The following EXOC6B variants were observed in gnomAD, a reference collection of about 807,000 sequenced individuals.
EXOC6B encodes exocyst complex component 6B.
A neutral mutation model predicts 113.5 loss-of-function variants in EXOC6B; 54 were observed. That is an observed-to-expected ratio of 0.48 (90% CI 0.38 to 0.60). The LOEUF is 0.60. Ranked by LOEUF, EXOC6B falls within the 20% of genes least tolerant of loss-of-function variation. The pLI is 0.00. For synonymous variants in EXOC6B, 357 were observed against 339.0 expected (o/e 1.05, Z -0.58); for missense variants, 797 against 977.5 (o/e 0.82, Z 2.46).
chr2:72,649,838 G>A (rs1674027021), intron 6 of EXOC6B, among the ~76,000 whole-genome samples: 1 of 152,004 alleles, frequency 6.6e-6, no homozygotes, highest in South Asian at 2.1e-4. Context: ...TCAACAAATG[G>A]TGCTGCTGGA....
At chr2:72,618,413 T>C (rs573305755) in intron 6 of EXOC6B, among the ~76,000 whole-genome samples, 11 of 152,096 alleles carry the variant, frequency 7.2e-5, no homozygotes, top group East Asian at 1.9e-4. Context: ...CATATTATTG[T>C]GTTCTGAGAA....
intron 1 of EXOC6B, 50 bp from the exon 2 acceptor site, chr2:72,741,519 G>C: frequency 6.6e-7 from 1 of 1,515,042 alleles, no homozygotes; most frequent in Admixed American, 2.2e-5. Flanking sequence ...TTCTAAGAAG[G>C]AAAAACAAAA....
At chr2:72,266,771 G>GT (rs1448672267) in intron 20 of EXOC6B, among the ~76,000 whole-genome samples, 2 of 152,084 alleles carry the variant, frequency 1.3e-5, no homozygotes, top group East Asian at 1.9e-4. Flanking sequence ...CTTTAAAGTA[G>GT]TTTTTTTCCA....
chr2:72,651,697 G>A (rs954996769), intron 6 of EXOC6B, among the ~76,000 whole-genome samples: 3 of 152,136 alleles, frequency 2.0e-5, no homozygotes, highest in Non-Finnish European at 4.4e-5. Context: ...CCAGGTTCAT[G>A]CCATTCTCCT....
chr2:72,475,770 C>T (rs1698702192), intron 17 of EXOC6B, among the ~76,000 whole-genome samples: 1 of 152,146 alleles, frequency 6.6e-6, no homozygotes, highest in South Asian at 2.1e-4. Flanking sequence ...GTTAGGTCAG[C>T]AGGTGGAAAA....
chr2:72,537,648 A>G (rs942749958), intron 8 of EXOC6B, among the ~76,000 whole-genome samples: 1 of 152,034 alleles, frequency 6.6e-6, no homozygotes, highest in Non-Finnish European at 1.5e-5. Context: ...ATACATATAT[A>G]TGGAGATTTT....
intron 19 of EXOC6B, among the ~76,000 whole-genome samples, chr2:72,346,062 T>C (rs1180175941): frequency 6.6e-6 from 1 of 152,092 alleles, no homozygotes; most frequent in Non-Finnish European, 1.5e-5. Flanking sequence ...CTCTAACATA[T>C]TCTCAAAGGT....
At chr2:72,456,900 G>C (rs1253569354) in intron 18 of EXOC6B, among the ~76,000 whole-genome samples, 1 of 151,936 alleles carries the variant, frequency 6.6e-6, no homozygotes, top group Non-Finnish European at 1.5e-5. Flanking sequence ...AGGAGAACTG[G>C]TAAGGCCTCA....
At chr2:72,567,633 G>C (rs540127213) in intron 7 of EXOC6B, among the ~76,000 whole-genome samples, 2 of 152,162 alleles carry the variant, frequency 1.3e-5, no homozygotes, top group South Asian at 2.1e-4. Flanking sequence ...AGAACTCTCT[G>C]AAGAAACGGC....
At chr2:72,281,975 C>A (rs1008941249) in intron 20 of EXOC6B, among the ~76,000 whole-genome samples, 1 of 152,060 alleles carries the variant, frequency 6.6e-6, no homozygotes, top group Non-Finnish European at 1.5e-5. Flanking sequence ...AACCAGAAGA[C>A]AATGGAACTA....
intron 18 of EXOC6B, among the ~76,000 whole-genome samples, chr2:72,443,761 C>A (rs968620589): frequency 6.6e-6 from 1 of 152,126 alleles, no homozygotes; most frequent in Non-Finnish European, 1.5e-5. Flanking sequence ...TTCATTACCA[C>A]GAGAACAGTG....
At chr2:72,414,651 A>G (rs1344284467) in intron 18 of EXOC6B, among the ~76,000 whole-genome samples, 1 of 152,144 alleles carries the variant, frequency 6.6e-6, no homozygotes. Context: ...GACCTTCACT[A>G]GCTTTGCTTA....
chr2:72,254,539 C>T (rs1573099218), intron 20 of EXOC6B, among the ~76,000 whole-genome samples: 1 of 152,144 alleles, frequency 6.6e-6, no homozygotes, highest in Non-Finnish European at 1.5e-5. Flanking sequence ...GTTACAATAG[C>T]CATAGGAAAC....
chr2:72,566,996 C>T (rs978222396), intron 7 of EXOC6B, among the ~76,000 whole-genome samples: 3 of 151,946 alleles, frequency 2.0e-5, no homozygotes, highest in African/African-American at 7.3e-5. Flanking sequence ...ACTAACAACA[C>T]TCATTACTTA....
intron 1 of EXOC6B, among the ~76,000 whole-genome samples, chr2:72,782,379 T>C (rs976394216): frequency 6.6e-6 from 1 of 152,162 alleles, no homozygotes; most frequent in Non-Finnish European, 1.5e-5. Flanking sequence ...CTTTTCTTTT[T>C]TATTTTTTAA....
chr2:72,297,975 G>A (rs903479206), intron 20 of EXOC6B, among the ~76,000 whole-genome samples: 3 of 152,190 alleles, frequency 2.0e-5, no homozygotes, highest in Non-Finnish European at 4.4e-5. Flanking sequence ...TTGATTTGGG[G>A]TGGAGAGTTC....
Position 72,176,032 on chromosome 2 carries a change from A to G in EXOC6B, c.*3303T>C, listed in dbSNP as rs553576245. ...GCTTTCTTGTTTAATAGCAGTTAAA[A>G]GAGGAAAATGTACAAGAGGAATAAA... On this transcript the variant is annotated 3_prime_UTR_variant, in exon 22 of 22. Coordinates refer to ENST00000272427, the MANE Select transcript of EXOC6B (RefSeq NM_015189.3). The G allele has an allele frequency of 2.0e-5, 3 of 152,374 alleles. No homozygotes were observed. The highest frequency in any genetic ancestry group is 6.5e-5 in the Admixed American group (1 of 15,310). The allele number at this position is 152,374 out of a possible 1,614,324, so 9.4% of individuals were successfully genotyped here.
At chr2:72,405,535 G>T (rs1009651643) in intron 18 of EXOC6B, among the ~76,000 whole-genome samples, 2 of 152,204 alleles carry the variant, frequency 1.3e-5, no homozygotes, top group Non-Finnish European at 2.9e-5. Flanking sequence ...AGAAGAGAGT[G>T]GGGGCCAATA....
intron 1 of EXOC6B, among the ~76,000 whole-genome samples, chr2:72,804,797 C>T (rs1685491403): frequency 6.6e-6 from 1 of 151,964 alleles, no homozygotes; most frequent in South Asian, 2.1e-4. Flanking sequence ...GGGGTTTCAC[C>T]ATGTTGGCCA....
Sources: allele counts gnomAD v4.1 joint callset (sites outside exome capture counted in the v4.1 genomes callset), GRCh38; gene constraint gnomAD v4.1.1; transcripts MANE v1.5; gene names NCBI Gene and HGNC (gene_info 2026-07-23, HGNC 2026-07-21).